Variants in SLC41A2 observed in about 807,000 individuals in gnomAD.
SLC41A2 encodes solute carrier family 41 member 2.
SLC41A2 carries 32 observed loss-of-function variants against 58.3 expected under a neutral mutation model. That is an observed-to-expected ratio of 0.55 (90% CI 0.41 to 0.74). The LOEUF is 0.74. SLC41A2 is among the 30% of genes least tolerant of loss of function. The probability of loss-of-function intolerance (pLI) is 0.00; values close to 1 mark genes in which losing one functional copy is unlikely to be tolerated. For synonymous variants in SLC41A2, 190 were observed against 235.0 expected (o/e 0.81, Z 1.75); for missense variants, 514 against 680.6 (o/e 0.76, Z 2.72).
chr12:104,956,960 T>A (rs2048191807), intron 1 of SLC41A2, among the ~76,000 whole-genome samples: 1 of 152,138 alleles, frequency 6.6e-6, no homozygotes, highest in African/African-American at 2.4e-5. Context: ...CACTGCTTAG[T>A]GGGAAAGTAA....
chr12:104,916,047 G>A (rs1245850942), intron 2 of SLC41A2, among the ~76,000 whole-genome samples: 2 of 152,040 alleles, frequency 1.3e-5, no homozygotes, highest in African/African-American at 4.8e-5. Flanking sequence ...TTTGTCTTTG[G>A]TTCTGTTTAT....
intron 7 of SLC41A2, among the ~76,000 whole-genome samples, chr12:104,864,599 T>G (rs2043345763): frequency 6.6e-6 from 1 of 152,132 alleles, no homozygotes; most frequent in South Asian, 2.1e-4. Flanking sequence ...TTCTGGGAAT[T>G]TTCTTGTATT....
intron 10 of SLC41A2, among the ~76,000 whole-genome samples, chr12:104,824,733 C>G (rs1215301408): frequency 6.6e-6 from 1 of 152,162 alleles, no homozygotes; most frequent in Non-Finnish European, 1.5e-5. Context: ...GCTGTGGGGT[C>G]AGAGCCCCAC....
At chr12:104,898,269 GC>G (rs1296153959) in intron 3 of SLC41A2, among the ~76,000 whole-genome samples, 2 of 152,080 alleles carry the variant, frequency 1.3e-5, no homozygotes, top group African/African-American at 4.8e-5. Flanking sequence ...GGTGGAATCT[GC>G]CATCTCTAGT....
chr12:104,920,653 G>C (rs112058718), intron 2 of SLC41A2, among the ~76,000 whole-genome samples: 1 of 151,936 alleles, frequency 6.6e-6, no homozygotes, highest in Non-Finnish European at 1.5e-5. Flanking sequence ...GGCTGGGCGT[G>C]GTGGCTCACA....
chr12:104,837,473 G>A (rs937723221), intron 10 of SLC41A2, among the ~76,000 whole-genome samples: 1 of 152,138 alleles, frequency 6.6e-6, no homozygotes, highest in Non-Finnish European at 1.5e-5. Context: ...GGTTATGGGG[G>A]ATATAAGGAA....
chr12:104,941,314 A>G (rs1370002467), intron 1 of SLC41A2, among the ~76,000 whole-genome samples: 1 of 152,252 alleles, frequency 6.6e-6, no homozygotes, highest in Non-Finnish European at 1.5e-5. Context: ...ACATTTATCA[A>G]TCCTAAAGTT....
chr12:104,839,511 CT>C (rs371105065), intron 10 of SLC41A2, among the ~76,000 whole-genome samples: 3 of 132,432 alleles, frequency 2.3e-5, no homozygotes, highest in African/African-American at 5.7e-5. Context: ...TTTTTTTTTT[CT>C]TTTTTTTTTG....
intron 4 of SLC41A2, among the ~76,000 whole-genome samples, 168 bp downstream of exon 4, chr12:104,895,106 T>C (rs1480497549): frequency 1.3e-5 from 2 of 152,218 alleles, no homozygotes; most frequent in African/African-American, 4.8e-5. Context: ...TCAGAGCTCA[T>C]AGGTATCCAT....
chr12:104,913,567 C>G (rs2046177656), intron 2 of SLC41A2, among the ~76,000 whole-genome samples: 1 of 152,214 alleles, frequency 6.6e-6, no homozygotes, highest in Admixed American at 6.5e-5. Context: ...CACAAATACT[C>G]ATGACTCCTC....
rs566918703 is a variant in SLC41A2 at position 104,826,132 on chromosome 12, A to C, written c.1536+18340T>G. ...TCCCTGTCTTTCAGAATGGGCAAAC[A>C]GTTCTCTTCACCACCGCCAGCTTAT... On this transcript the variant is annotated intron_variant, in intron 10 of 10. Coordinates refer to ENST00000258538, the MANE Select transcript of SLC41A2 (RefSeq NM_001352171.3). Among the ~76,000 whole-genome samples the C allele has an allele frequency of 1.5e-4, 23 of 152,260 alleles. No individual in the cohort carries two copies. In the South Asian group the frequency reaches 4.8e-3, roughly 32 times the overall value.
chr12:104,945,926 G>T (rs1215015714), intron 1 of SLC41A2, among the ~76,000 whole-genome samples: 1 of 152,090 alleles, frequency 6.6e-6, no homozygotes, highest in African/African-American at 2.4e-5. Flanking sequence ...CAAGTCCATG[G>T]TGTATCTCCC....
At chr12:104,853,592 C>A (rs985810054) in intron 8 of SLC41A2, among the ~76,000 whole-genome samples, 2 of 152,048 alleles carry the variant, frequency 1.3e-5, no homozygotes, top group African/African-American at 2.4e-5. Context: ...CTCCCTAGTC[C>A]CTAATCCATT....
At chr12:104,926,677 A>G (rs1227101789) in intron 2 of SLC41A2, among the ~76,000 whole-genome samples, 2 of 152,194 alleles carry the variant, frequency 1.3e-5, no homozygotes, top group Non-Finnish European at 2.9e-5. Flanking sequence ...AAAATAATTC[A>G]CAGAAAAAGA....
chr12:104,924,873 G>T (rs2046767203), intron 2 of SLC41A2, among the ~76,000 whole-genome samples: 1 of 152,034 alleles, frequency 6.6e-6, no homozygotes, highest in African/African-American at 2.4e-5. Context: ...ACAGTTTCAT[G>T]AAATTTATAT....
intron 8 of SLC41A2, among the ~76,000 whole-genome samples, chr12:104,853,911 A>ATTTTTATTTTTTTTT (rs2042908369): frequency 3.4e-5 from 2 of 59,490 alleles, no homozygotes; most frequent in African/African-American, 6.9e-5. Context: ...TGCCTGGCTG[A>ATTTTTATTTTTTTTT]TTTTTTTTTT....
intron 1 of SLC41A2, among the ~76,000 whole-genome samples, chr12:104,930,204 G>GCACTGAGACTC (rs11270519): frequency 0.71 from 107,468 of 151,710 alleles, 38,674 homozygotes; most frequent in African/African-American, 0.84. Context: ...CTGTGGACTT[G>GCACTGAGACTC]CAATGAGTAG....
At chr12:104,879,785 T>C (rs1402702459) in intron 6 of SLC41A2, among the ~76,000 whole-genome samples, 1 of 152,172 alleles carries the variant, frequency 6.6e-6, no homozygotes, top group African/African-American at 2.4e-5. Context: ...GTGGGCTCTT[T>C]TTCGGTTCCA....
At chr12:104,886,842 G>A (rs2044694890) in intron 5 of SLC41A2, among the ~76,000 whole-genome samples, 1 of 151,896 alleles carries the variant, frequency 6.6e-6, no homozygotes, top group Non-Finnish European at 1.5e-5. Flanking sequence ...TACAACAACT[G>A]GGAAGAAGGC....
Sources: allele counts gnomAD v4.1 joint callset (sites outside exome capture counted in the v4.1 genomes callset), GRCh38; gene constraint gnomAD v4.1.1; transcripts MANE v1.5; gene names NCBI Gene and HGNC (gene_info 2026-07-23, HGNC 2026-07-21).